DACH2: variants seen among roughly 807,000 people sequenced by gnomAD.
The protein encoded by DACH2 is dachshund homolog 2.
DACH2 carries 17 observed loss-of-function variants against 35.8 expected under a neutral mutation model. That is an observed-to-expected ratio of 0.48 (90% CI 0.33 to 0.71). The LOEUF (loss-of-function observed/expected upper bound fraction) is 0.71. Among genes scored for constraint, DACH2 ranks in the 30% least tolerant of loss-of-function variants. The probability of loss-of-function intolerance (pLI) is 0.02; values close to 1 mark genes in which losing one functional copy is unlikely to be tolerated. For missense variants in DACH2, 469 were observed against 472.7 expected (o/e 0.99, Z 0.07); for synonymous variants, 195 against 177.3 (o/e 1.10, Z -0.79).
At chrX:86,242,757 T>C (rs1212105924) in intron 1 of DACH2, among the ~76,000 whole-genome samples, 1 of 111,349 alleles carries the variant, frequency 9.0e-6, no homozygotes, top group Non-Finnish European at 1.9e-5. Flanking sequence ...GGTAATTGGA[T>C]CATGGGGGAT....
At chrX:86,268,556 A>ATT (rs2033755005) in intron 1 of DACH2, among the ~76,000 whole-genome samples, 2 of 74,492 alleles carry the variant, frequency 2.7e-5, no homozygotes, top group Non-Finnish European at 5.8e-5. Context: ...TTTATTTGAG[A>ATT]TGGAGTCTTG....
chrX:86,342,883 A>G (rs2035435965), intron 1 of DACH2, among the ~76,000 whole-genome samples: 1 of 111,839 alleles, frequency 8.9e-6, no homozygotes, highest in Admixed American at 9.5e-5. Flanking sequence ...CTGACCAGTC[A>G]GCAGCCATCA....
chrX:86,531,655 G>A, intron 3 of DACH2, among the ~76,000 whole-genome samples: 1 of 110,719 alleles, frequency 9.0e-6, no homozygotes, highest in African/African-American at 3.2e-5. Context: ...GCAGAAGTCT[G>A]CTACAGGGCA....
intron 2 of DACH2, among the ~76,000 whole-genome samples, chrX:86,398,149 C>T (rs148307783): frequency 0.02 from 2,238 of 112,000 alleles, 30 homozygotes; most frequent in Middle Eastern, 0.032. Flanking sequence ...TTATCCATTT[C>T]TCCTAGATTT....
chrX:86,599,566 G>T (rs1328917783), intron 3 of DACH2, among the ~76,000 whole-genome samples: 6 of 103,514 alleles, frequency 5.8e-5, no homozygotes, highest in Non-Finnish European at 1.2e-4. Flanking sequence ...GCACAATCTT[G>T]GCTCACTGCA....
intron 1 of DACH2, among the ~76,000 whole-genome samples, chrX:86,293,232 G>C (rs1472323749): frequency 2.4e-4 from 21 of 87,235 alleles, no homozygotes; most frequent in African/African-American, 8.2e-4. Context: ...TGTTGTATCA[G>C]AGACTAGGAT....
At chrX:86,259,316 T>A (rs1211769771) in intron 1 of DACH2, among the ~76,000 whole-genome samples, 2 of 111,805 alleles carry the variant, frequency 1.8e-5, no homozygotes, top group African/African-American at 6.5e-5. Flanking sequence ...AGTTTTAGAT[T>A]TACAACATGG....
intron 2 of DACH2, among the ~76,000 whole-genome samples, chrX:86,488,868 T>A (rs2038054600): frequency 9.0e-6 from 1 of 111,416 alleles, no homozygotes; most frequent in South Asian, 3.7e-4. Flanking sequence ...ATATAAAAAA[T>A]TCAGAAAAAT....
At chrX:86,750,907 A>G (rs2147271284) in intron 7 of DACH2, among the ~76,000 whole-genome samples, 1 of 111,858 alleles carries the variant, frequency 8.9e-6, no homozygotes, top group South Asian at 3.7e-4. Flanking sequence ...ATGTTGGTGT[A>G]CAAATATCAG....
rs1478700863 is a variant in DACH2, at chrX:86,160,469, C to T, written c.488+11361C>T. 1.9e-5 allele frequency: 10 copies of T among 533,356 alleles called. 1 individual carries two copies. Among genetic ancestry groups the T allele is most frequent in the Non-Finnish European group, 3.0e-5 (9 of 295,621 alleles). 44.0% of individuals were successfully genotyped at this position (533,356 alleles called of 1,213,427 possible). A position where few individuals can be genotyped will look rare whatever the true frequency, so the allele number is the denominator to read the frequency against. Reference sequence around the variant, plus strand: ...TTTAGAGCCATCTTCCAGCTTCTTACCAGAACGGTGATCAATCTTTTCCTT... The same window carrying T: ...TTTAGAGCCATCTTCCAGCTTCTTATCAGAACGGTGATCAATCTTTTCCTT... On this transcript the variant is annotated intron_variant, in intron 1 of 11. Coordinates refer to ENST00000373125, the MANE Select transcript of DACH2 (RefSeq NM_053281.3).
chrX:86,438,732 G>A (rs142233584), intron 2 of DACH2, among the ~76,000 whole-genome samples: 1 of 112,076 alleles, frequency 8.9e-6, no homozygotes, highest in Non-Finnish European at 1.9e-5. Context: ...GGGATTGCTG[G>A]ATCAAATTGT....
chrX:86,400,791 T>G (rs1400885810), intron 2 of DACH2, among the ~76,000 whole-genome samples: 1 of 111,816 alleles, frequency 8.9e-6, no homozygotes, highest in East Asian at 2.8e-4. Flanking sequence ...CTGCCCCTAC[T>G]GGGGGGTGCC....
intron 1 of DACH2, among the ~76,000 whole-genome samples, chrX:86,191,697 T>C (rs2031838083): frequency 9.0e-6 from 1 of 110,899 alleles, no homozygotes; most frequent in South Asian, 3.8e-4. Context: ...GCCTAGCACT[T>C]TGGGAGGCTG....
intron 7 of DACH2, among the ~76,000 whole-genome samples, chrX:86,740,726 A>C (rs1229441397): frequency 9.1e-6 from 1 of 109,719 alleles, no homozygotes; most frequent in East Asian, 2.9e-4. Flanking sequence ...CCACTTAACC[A>C]CCATGAGTTT....
At chrX:86,540,331 C>A (rs2038862839) in intron 3 of DACH2, among the ~76,000 whole-genome samples, 1 of 111,147 alleles carries the variant, frequency 9.0e-6, no homozygotes, top group African/African-American at 3.3e-5. Context: ...AAATGAAATA[C>A]CAGGAATATC....
intron 1 of DACH2, among the ~76,000 whole-genome samples, chrX:86,325,776 T>C (rs2035102413): frequency 8.9e-6 from 1 of 111,922 alleles, no homozygotes; most frequent in South Asian, 3.7e-4. Flanking sequence ...TCTGTAATTA[T>C]AACAAGGTGA....
At chrX:86,449,939 A>G (rs2037341705) in intron 2 of DACH2, among the ~76,000 whole-genome samples, 1 of 111,586 alleles carries the variant, frequency 9.0e-6, no homozygotes, top group Non-Finnish European at 1.9e-5. Context: ...GTTTTAGAGT[A>G]TTCTTGTCTA....
chrX:86,421,367 G>C (rs2036800121), intron 2 of DACH2, among the ~76,000 whole-genome samples: 1 of 111,120 alleles, frequency 9.0e-6, no homozygotes, highest in African/African-American at 3.3e-5. Context: ...TAAGTAAAGA[G>C]GTAGGTCTTT....
At chrX:86,829,110 A>AT (rs896948816) in intron 11 of DACH2, 2 of 111,823 alleles carry the variant, frequency 1.8e-5, no homozygotes, top group African/African-American at 6.5e-5. Context: ...TCGATGTGAC[A>AT]TTTCAGTAAT....
Sources: gnomAD v4.1 joint callset for allele counts (sites outside exome capture counted in the v4.1 genomes callset) on GRCh38, gnomAD v4.1.1 for gene constraint, MANE v1.5 for transcripts, NCBI Gene and HGNC (gene_info 2026-07-23, HGNC 2026-07-21) for gene names.